Variants in TMPRSS11B observed in about 807,000 individuals in gnomAD.
TMPRSS11B encodes transmembrane protease serine 11B.
In TMPRSS11B, 53 loss-of-function variants were observed where a neutral mutation model predicts 44.7. The ratio of observed to expected loss-of-function variants is 1.19; its 90% CI spans 0.95 to 1.49. TMPRSS11B has a LOEUF of 1.49. Among genes scored for constraint, TMPRSS11B ranks in the 40% most tolerant of loss-of-function variants. The pLI, the probability that TMPRSS11B is intolerant of heterozygous loss-of-function variation, is 0.00. For missense variants in TMPRSS11B, 526 were observed against 494.8 expected (o/e 1.06, Z -0.60); for synonymous variants, 140 against 159.2 (o/e 0.88, Z 0.91).
rs774188784 is a variant in TMPRSS11B at position 68,236,006 on chromosome 4, G to GT, written c.303dup (p.Leu102ThrfsTer4). On this transcript the variant is annotated frameshift_variant, in exon 4 of 10. Coordinates refer to ENST00000332644, the MANE Select transcript of TMPRSS11B (RefSeq NM_182502.3). LOFTEE classifies it high-confidence loss of function. ...CTTAAATGAACTTGTACTTACAGAAGTTTGATGACCTCAGATTTGACATAT... is the reference window on the plus strand; with the variant it reads ...CTTAAATGAACTTGTACTTACAGAAGTTTTGATGACCTCAGATTTGACATAT... 6.4e-7 allele frequency: 1 copy of GT among 1,560,750 alleles called. No homozygotes were observed. The highest frequency in any genetic ancestry group is 1.3e-5 in the South Asian group (1 of 79,748).
chr4:68,241,904 A>G (rs548721311), intron 1 of TMPRSS11B, 100 bp from the exon 2 acceptor site: 13 of 714,334 alleles, frequency 1.8e-5, no homozygotes, highest in African/African-American at 7.0e-5. Flanking sequence ...TTTATACATT[A>G]GTCCTTTATG....
chr4:68,229,720 C>T, intron 7 of TMPRSS11B: 1 of 452,432 alleles, frequency 2.2e-6, no homozygotes, highest in East Asian at 3.7e-5. Flanking sequence ...TCAGATTTGT[C>T]AGCTTTCTGA....
At chr4:68,229,655 C>G in intron 7 of TMPRSS11B, 139 bp from the exon 8 acceptor site, 1 of 719,870 alleles carries the variant, frequency 1.4e-6, no homozygotes, top group African/African-American at 1.8e-5. Flanking sequence ...TGAAAACTAT[C>G]TTTGACATGG....
intron 1 of TMPRSS11B, among the ~76,000 whole-genome samples, chr4:68,242,939 T>C (rs1460651365): frequency 1.3e-5 from 2 of 152,226 alleles, no homozygotes; most frequent in African/African-American, 4.8e-5. Context: ...GTTAGTTGTT[T>C]TATCATCAAA....
intron 1 of TMPRSS11B, among the ~76,000 whole-genome samples, chr4:68,242,461 G>A (rs543497683): frequency 8.4e-5 from 11 of 131,018 alleles, no homozygotes; most frequent in African/African-American, 2.0e-4. Context: ...AATTGCAGAT[G>A]GAAATACCAT....
At chr4:68,242,353 A>AATATATATTATATTATATATTATAT (rs1197333659) in intron 1 of TMPRSS11B, among the ~76,000 whole-genome samples, 11 of 14,624 alleles carry the variant, frequency 7.5e-4, no homozygotes, top group South Asian at 3.3e-3. Flanking sequence ...TATTATATAT[A>AATATATATTATATTATATATTATAT]ATATTATATT....
Sources: allele counts gnomAD v4.1 joint callset (sites outside exome capture counted in the v4.1 genomes callset), GRCh38; gene constraint gnomAD v4.1.1; transcripts MANE v1.5; gene names NCBI Gene and HGNC (gene_info 2026-07-23, HGNC 2026-07-21).